Variants in NDUFA10 observed in about 807,000 individuals in gnomAD.
NDUFA10 encodes NADH dehydrogenase [ubiquinone] 1 alpha subcomplex subunit 10, mitochondrial.
A neutral mutation model predicts 47.8 loss-of-function variants in NDUFA10; 40 were observed. That is an observed-to-expected ratio of 0.84 (90% CI 0.65 to 1.09). NDUFA10 has a LOEUF of 1.09. Among genes scored for constraint, NDUFA10 ranks in the 50% least tolerant of loss-of-function variants. The pLI is 0.00. For missense variants in NDUFA10, 413 were observed against 451.1 expected (o/e 0.92, Z 0.76); for synonymous variants, 183 against 172.2 (o/e 1.06, Z -0.49).
intron 4 of NDUFA10, among the ~76,000 whole-genome samples, chr2:239,915,914 C>T (rs10933573): frequency 0.18 from 27,061 of 146,748 alleles, 2,874 homozygotes; most frequent in African/African-American, 0.3. Context: ...CATACACACA[C>T]AGCACACACA....
chr2:239,983,497 A>G (rs1332035089), intron 9 of NDUFA10: 1 of 1,584,694 alleles, frequency 6.3e-7, no homozygotes, highest in African/African-American at 1.3e-5. Flanking sequence ...AAATCCTCTA[A>G]ACAGTCAGAC....
chr2:239,911,507 C>T (rs1005568538), intron 4 of NDUFA10, among the ~76,000 whole-genome samples: 3 of 152,184 alleles, frequency 2.0e-5, no homozygotes, highest in Admixed American at 6.5e-5. Flanking sequence ...TCAACATACC[C>T]GGAAAAGGGC....
chr2:239,948,819 C>G (rs545838449), intron 4 of NDUFA10, among the ~76,000 whole-genome samples: 1 of 152,228 alleles, frequency 6.6e-6, no homozygotes, highest in Admixed American at 6.5e-5. Flanking sequence ...CACCAAGCCT[C>G]GAGCCATCCT....
Position 240,018,550 on chromosome 2 carries a change from C to T in NDUFA10, c.547+3G>A. 6.2e-7 allele frequency: 1 copy of T among 1,614,232 alleles called. No homozygotes were observed. Among genetic ancestry groups the T allele is most frequent in the Non-Finnish European group, 8.5e-7 (1 of 1,180,042 alleles). On this transcript the variant is annotated splice_donor_region_variant and intron_variant, in intron 4 of 9. Transcript: ENST00000252711. ...CAGAAGTGGGTCTGCAATGCTGACT[C>T]ACACTGCTTTCGGATGAATCCCTGG...
rs1256156518 is a variant in NDUFA10, at chr2:239,894,573, CTTG to C, written c.*14+629_*14+631del. ...TCCACAGCTCTCCAGCCTGGGTCCT[CTTG>C]TTGTCCCAGTGGGCCATTTCAGGAC... On this transcript the variant is annotated intron_variant, in intron 5 of 5. Transcript: ENST00000419408. 2.6e-5 allele frequency among the ~76,000 whole-genome samples: 4 copies of C among 152,286 alleles called. No homozygotes were observed. In the East Asian group the frequency reaches 7.7e-4, roughly 29 times the overall value.
intron 4 of NDUFA10, among the ~76,000 whole-genome samples, chr2:239,943,639 T>C (rs1694397695): frequency 6.6e-6 from 1 of 152,220 alleles, no homozygotes; most frequent in Admixed American, 6.5e-5. Context: ...TGACATTTTT[T>C]TAATGTCCAT....
At chr2:239,923,388 C>T (rs1477430145) in intron 4 of NDUFA10, among the ~76,000 whole-genome samples, 3 of 152,076 alleles carry the variant, frequency 2.0e-5, no homozygotes, top group Non-Finnish European at 4.4e-5. Context: ...TAGACCATAT[C>T]CTGGTTCATA....
chr2:239,939,210 G>A (rs1694318973), intron 4 of NDUFA10, among the ~76,000 whole-genome samples: 2 of 152,350 alleles, frequency 1.3e-5, no homozygotes, highest in South Asian at 4.1e-4. Flanking sequence ...AGGGAGGCCT[G>A]GGGGTCTGTC....
In NDUFA10 at chr2:240,008,787, T is replaced by A. The variant is rs1574882124; in HGVS notation, c.750-1417A>T. Among the ~76,000 whole-genome samples, 3 of 152,348 alleles carry A rather than the reference T, an allele frequency of 2.0e-5. 1 individual carries two copies. The South Asian group carries it at 6.2e-4, about 32-fold the overall frequency. On this transcript the variant is annotated intron_variant, in intron 6 of 9. Transcript: ENST00000252711. ...TGGAAGGTGGGGAAGACAGGGCTCC[T>A]GCCCTTAATGAGCTCCAGACCCCAA...
intron 4 of NDUFA10, among the ~76,000 whole-genome samples, chr2:239,925,497 C>G (rs879318889): frequency 6.6e-6 from 1 of 152,152 alleles, no homozygotes; most frequent in Non-Finnish European, 1.5e-5. Flanking sequence ...GAACTGCGAC[C>G]TAAGTCTCCC....
In NDUFA10 at chr2:239,906,293, G is replaced by A. The variant is rs77151027; in HGVS notation, c.295-10979C>T. 0.13 allele frequency among the ~76,000 whole-genome samples: 19,549 copies of A among 152,106 alleles called. 1,398 individuals carry two copies. Among genetic ancestry groups the A allele is most frequent in the Admixed American group, 0.2 (3,009 of 15,280 alleles). On this transcript the variant is annotated intron_variant, in intron 4 of 5. Coordinates refer to the NDUFA10 transcript ENST00000419408. The surrounding 1 kb of genome is among the most constrained non-coding windows in gnomAD (Gnocchi z 4.3). Reference sequence around the variant, plus strand: ...CTGTTCAAGCTCTTAGCAAAACTGCGGCTTCAGTTGTGCCTTGCTGACTGT... The same window carrying A: ...CTGTTCAAGCTCTTAGCAAAACTGCAGCTTCAGTTGTGCCTTGCTGACTGT...
At chr2:239,939,147 C>T (rs1483707888) in intron 4 of NDUFA10, among the ~76,000 whole-genome samples, 4 of 152,198 alleles carry the variant, frequency 2.6e-5, no homozygotes, top group African/African-American at 7.2e-5. Context: ...AGTCAGGATC[C>T]AGCTGCCCGC....
chr2:239,963,309 A>AGGG (rs572927823), intron 9 of NDUFA10, among the ~76,000 whole-genome samples: 46 of 152,242 alleles, frequency 3.0e-4, no homozygotes, highest in Non-Finnish European at 6.5e-4. Flanking sequence ...GGCAGAGTCC[A>AGGG]GGGAGGCGTC....
chr2:239,898,916 A>AATGTGGAG (rs1693454709), intron 4 of NDUFA10, among the ~76,000 whole-genome samples: 1 of 146,498 alleles, frequency 6.8e-6, no homozygotes, highest in Non-Finnish European at 1.5e-5. Flanking sequence ...GAGTGATGGA[A>AATGTGGAG]GGTTGTGATG....
chr2:239,894,710 A>C (rs1693359326), intron 5 of NDUFA10, among the ~76,000 whole-genome samples: 1 of 151,282 alleles, frequency 6.6e-6, no homozygotes, highest in East Asian at 1.9e-4. Context: ...GTCCCTTCTG[A>C]CCTTCTCTAT....
At chr2:239,902,072 C>A (rs1181684463) in intron 4 of NDUFA10, among the ~76,000 whole-genome samples, 1 of 152,146 alleles carries the variant, frequency 6.6e-6, no homozygotes. Context: ...ACAAAGGATT[C>A]TGAATATTAC....
downstream of NDUFA10, among the ~76,000 whole-genome samples, chr2:239,953,252 C>G (rs1245926598): frequency 6.6e-6 from 1 of 152,142 alleles, no homozygotes; most frequent in African/African-American, 2.4e-5. Context: ...GGAGGGGTCA[C>G]AAGACCATAT....
intron 9 of NDUFA10, among the ~76,000 whole-genome samples, chr2:239,980,191 G>A (rs1009236814): frequency 5.3e-5 from 8 of 152,182 alleles, no homozygotes; most frequent in African/African-American, 1.9e-4. Context: ...CTTCACTCTC[G>A]GGTGTGGCCC....
intron 8 of NDUFA10, among the ~76,000 whole-genome samples, chr2:239,995,728 G>A (rs77991277): frequency 3.4e-4 from 51 of 152,184 alleles, no homozygotes; most frequent in African/African-American, 1.1e-3. Context: ...CTAAAGACTC[G>A]AGATAGAAGA....
Sources: allele counts gnomAD v4.1 joint callset (sites outside exome capture counted in the v4.1 genomes callset), GRCh38; gene constraint gnomAD v4.1.1; non-coding constraint Gnocchi (gnomAD v3.1); transcripts MANE v1.5; gene names NCBI Gene and HGNC (gene_info 2026-07-23, HGNC 2026-07-21).